TDRD3: variants seen among roughly 807,000 people sequenced by gnomAD.
TDRD3 encodes the protein tudor domain-containing protein 3.
In TDRD3, 45 loss-of-function variants were observed where a neutral mutation model predicts 86.7. That is an observed-to-expected ratio of 0.52 (90% CI 0.41 to 0.67). The LOEUF is 0.67. Among genes scored for constraint, TDRD3 ranks in the 30% least tolerant of loss-of-function variants. TDRD3 has a pLI of 0.00. For synonymous variants in TDRD3, 298 were observed against 301.7 expected (o/e 0.99, Z 0.13); for missense variants, 814 against 889.0 (o/e 0.92, Z 1.07).
At chr13:60,492,355 TTGAG>T (rs1171004559) in intron 7 of TDRD3, among the ~76,000 whole-genome samples, 2 of 152,222 alleles carry the variant, frequency 1.3e-5, no homozygotes, top group South Asian at 2.1e-4. Context: ...CCATCTGTTA[TTGAG>T]TGTTTGCCAT....
At chr13:60,469,792 G>C (rs1956036677) in intron 5 of TDRD3, among the ~76,000 whole-genome samples, 1 of 152,110 alleles carries the variant, frequency 6.6e-6, no homozygotes, top group South Asian at 2.1e-4. Flanking sequence ...TAGCAAGTTG[G>C]TGCCAGATGT....
chr13:60,481,145 A>C (rs1956305498), intron 5 of TDRD3, among the ~76,000 whole-genome samples: 1 of 151,812 alleles, frequency 6.6e-6, no homozygotes, highest in East Asian at 1.9e-4. Context: ...CCAGGCAGGG[A>C]CTCTTAGAGG....
At chr13:60,518,188 G>C (rs1050473145) in intron 10 of TDRD3, among the ~76,000 whole-genome samples, 1 of 152,172 alleles carries the variant, frequency 6.6e-6, no homozygotes, top group Non-Finnish European at 1.5e-5. Context: ...AGGCACCCAA[G>C]CTTCATGGAG....
intron 12 of TDRD3, among the ~76,000 whole-genome samples, chr13:60,555,411 A>G (rs1172597776): frequency 6.6e-6 from 1 of 152,204 alleles, no homozygotes; most frequent in East Asian, 1.9e-4. Flanking sequence ...TTTAATATCT[A>G]TAGGATCTCT....
chr13:60,495,047 G>A (rs181206084), intron 8 of TDRD3, among the ~76,000 whole-genome samples: 5 of 152,140 alleles, frequency 3.3e-5, no homozygotes, highest in Non-Finnish European at 5.9e-5. Flanking sequence ...CTGGCATGCT[G>A]TAGTGTTCTC....
chr13:60,540,078 AT>A (rs1215469095), intron 12 of TDRD3, among the ~76,000 whole-genome samples: 1 of 152,096 alleles, frequency 6.6e-6, no homozygotes, highest in Non-Finnish European at 1.5e-5. Flanking sequence ...AAGATTTTTC[AT>A]TTTTACTGAT....
Position 60,496,323 on chromosome 13 carries a change from A to AG in TDRD3, c.858+1748_858+1749insG, listed in dbSNP as rs1347345747. ...TATATATATATATATATATATATAT[A>AG]TATATATATATATATATATATCCTC... is the stretch of plus-strand genomic sequence containing the variant. On this transcript the variant is annotated intron_variant, in intron 8 of 13. Coordinates refer to ENST00000377881, the MANE Select transcript of TDRD3 (RefSeq NM_001146070.2). Among the ~76,000 whole-genome samples the AG allele has an allele frequency of 8.0e-3, 590 of 73,292 alleles. 14 individuals carry two copies. Among genetic ancestry groups the AG allele is most frequent in the Middle Eastern group, 0.032 (4 of 124 alleles). 48.1% of individuals were successfully genotyped at this position (73,292 alleles called of 152,430 possible). A position where few individuals can be genotyped will look rare whatever the true frequency, so the allele number is the denominator to read the frequency against.
chr13:60,527,444 TAAG>T (rs1957467030), intron 10 of TDRD3, among the ~76,000 whole-genome samples: 1 of 152,110 alleles, frequency 6.6e-6, no homozygotes, highest in Non-Finnish European at 1.5e-5. Context: ...TGGGGAAATA[TAAG>T]AATAATTACA....
At chr13:60,405,091 T>G (rs1954202723) in intron 1 of TDRD3, among the ~76,000 whole-genome samples, 1 of 152,198 alleles carries the variant, frequency 6.6e-6, no homozygotes, top group South Asian at 2.1e-4. Context: ...ATAAATGTCT[T>G]TCTTTTGTAA....
At chr13:60,455,643 T>G (rs1176415976) in intron 3 of TDRD3, among the ~76,000 whole-genome samples, 4 of 152,216 alleles carry the variant, frequency 2.6e-5, no homozygotes, top group Non-Finnish European at 5.9e-5. Flanking sequence ...GGTGGAACAT[T>G]GATTGGAACT....
At chr13:60,504,175 T>G (rs1010092899) in intron 8 of TDRD3, among the ~76,000 whole-genome samples, 1 of 152,248 alleles carries the variant, frequency 6.6e-6, no homozygotes, top group Non-Finnish European at 1.5e-5. Flanking sequence ...CACTCATCCC[T>G]GGGCAAAATT....
At chr13:60,422,926 A>G (rs1954699522) in intron 1 of TDRD3, among the ~76,000 whole-genome samples, 1 of 152,180 alleles carries the variant, frequency 6.6e-6, no homozygotes, top group Non-Finnish European at 1.5e-5. Flanking sequence ...ATGGAAAAAG[A>G]TGTAAATCCA....
chr13:60,571,845 G>A (rs1444447792), intron 13 of TDRD3, among the ~76,000 whole-genome samples: 2 of 152,072 alleles, frequency 1.3e-5, no homozygotes, highest in Admixed American at 1.3e-4. Context: ...AGGAATCAGG[G>A]CTAGGTGAGA....
chr13:60,475,374 C>T (rs1025425399), intron 5 of TDRD3, among the ~76,000 whole-genome samples: 1 of 152,170 alleles, frequency 6.6e-6, no homozygotes, highest in Non-Finnish European at 1.5e-5. Flanking sequence ...CCTTAGTTTG[C>T]TTAGAATGAT....
chr13:60,489,925 T>C (rs937583729), intron 7 of TDRD3, among the ~76,000 whole-genome samples: 3 of 152,134 alleles, frequency 2.0e-5, no homozygotes, highest in Non-Finnish European at 4.4e-5. Flanking sequence ...TACCAAGGAT[T>C]TTGTTGGATG....
At chr13:60,508,912 A>G (rs1956994708) in intron 8 of TDRD3, among the ~76,000 whole-genome samples, 1 of 152,192 alleles carries the variant, frequency 6.6e-6, no homozygotes, top group Admixed American at 6.5e-5. Flanking sequence ...CATTCACAAG[A>G]AAAAGAGAAA....
chr13:60,461,704 G>C (rs939845137), intron 4 of TDRD3, among the ~76,000 whole-genome samples: 1 of 152,168 alleles, frequency 6.6e-6, no homozygotes, highest in East Asian at 1.9e-4. Context: ...CCTCTTAGTA[G>C]CTCATATGCT....
intron 1 of TDRD3, among the ~76,000 whole-genome samples, chr13:60,438,248 A>G (rs1955170012): frequency 6.6e-6 from 1 of 152,190 alleles, no homozygotes. Flanking sequence ...GTGAAAAATT[A>G]ACAGGATAAT....
chr13:60,504,116 A>G (rs1424618173), intron 8 of TDRD3, among the ~76,000 whole-genome samples: 1 of 152,188 alleles, frequency 6.6e-6, no homozygotes, highest in Non-Finnish European at 1.5e-5. Flanking sequence ...AAATCTTTTT[A>G]TAATTTGCTT....
Sources: allele counts gnomAD v4.1 joint callset (sites outside exome capture counted in the v4.1 genomes callset), GRCh38; gene constraint gnomAD v4.1.1; transcripts MANE v1.5; gene names NCBI Gene and HGNC (gene_info 2026-07-23, HGNC 2026-07-21).